The following SRGAP1 variants were observed in gnomAD, a reference collection of about 807,000 sequenced individuals.
The protein encoded by SRGAP1 is SLIT-ROBO Rho GTPase-activating protein 1.
A neutral mutation model predicts 121.9 loss-of-function variants in SRGAP1; 43 were observed. That is an observed-to-expected ratio of 0.35 (90% CI 0.28 to 0.46). The LOEUF (loss-of-function observed/expected upper bound fraction) is 0.46, where lower values mean the gene tolerates loss of function less well. Among genes scored for constraint, SRGAP1 ranks in the 20% least tolerant of loss-of-function variants. SRGAP1 has a pLI of 1.00. For synonymous variants in SRGAP1, 447 were observed against 485.4 expected, an observed-to-expected ratio of 0.92 and a Z score of 1.04; for missense variants, 1,102 against 1,350.9, an observed-to-expected ratio of 0.82 and a Z score of 2.89.
At chr12:63,930,088 T>C (rs973252053) in intron 1 of SRGAP1, among the ~76,000 whole-genome samples, 3 of 152,160 alleles carry the variant, frequency 2.0e-5, no homozygotes, top group African/African-American at 7.2e-5. Flanking sequence ...GCCTTTACAC[T>C]GTTGGTGGGA....
intron 6 of SRGAP1, among the ~76,000 whole-genome samples, chr12:64,052,460 C>T (rs1165453424): frequency 6.6e-6 from 1 of 151,772 alleles, no homozygotes; most frequent in Admixed American, 6.6e-5. Flanking sequence ...GAGGCTGAGG[C>T]AGGAGAATCG....
At chr12:63,923,700 G>A (rs2031153208) in intron 1 of SRGAP1, among the ~76,000 whole-genome samples, 1 of 152,100 alleles carries the variant, frequency 6.6e-6, no homozygotes, top group South Asian at 2.1e-4. Context: ...ATACATGATG[G>A]TTATCAAAAA....
At chr12:63,848,007 T>TATATA (rs1898957501) in intron 1 of SRGAP1, among the ~76,000 whole-genome samples, 1 of 145,980 alleles carries the variant, frequency 6.9e-6, no homozygotes, top group African/African-American at 2.6e-5. Context: ...AATTTTTATT[T>TATATA]TATATATATA....
At chr12:64,124,551 G>A (rs2036657509) in intron 18 of SRGAP1, among the ~76,000 whole-genome samples, 1 of 152,152 alleles carries the variant, frequency 6.6e-6, no homozygotes, top group East Asian at 1.9e-4. Context: ...TTGAAGAGAA[G>A]TTTACTCACC....
intron 18 of SRGAP1, among the ~76,000 whole-genome samples, chr12:64,124,334 A>G (rs1475603450): frequency 6.6e-6 from 1 of 152,226 alleles, no homozygotes; most frequent in African/African-American, 2.4e-5. Flanking sequence ...ACTCTTTTAA[A>G]TGGGAAGGTT....
intron 8 of SRGAP1, among the ~76,000 whole-genome samples, chr12:64,074,255 C>T (rs369618985): frequency 5.3e-5 from 8 of 152,300 alleles, no homozygotes; most frequent in East Asian, 3.9e-4. Flanking sequence ...GACTAACTTT[C>T]GTGCTTTCTG....
chr12:63,948,665 C>T (rs968540697), intron 1 of SRGAP1, among the ~76,000 whole-genome samples: 7 of 151,590 alleles, frequency 4.6e-5, no homozygotes, highest in South Asian at 4.2e-4. Flanking sequence ...TTCATAGTTC[C>T]TTCCTGGTAT....
At chr12:64,033,191 G>A (rs1221980179) in intron 4 of SRGAP1, among the ~76,000 whole-genome samples, 1 of 151,772 alleles carries the variant, frequency 6.6e-6, no homozygotes, top group African/African-American at 2.4e-5. Context: ...CGTTTGCCCT[G>A]TCATTTGGTT....
intron 1 of SRGAP1, among the ~76,000 whole-genome samples, chr12:63,923,643 C>T (rs1055412224): frequency 6.6e-6 from 1 of 152,086 alleles, no homozygotes; most frequent in Non-Finnish European, 1.5e-5. Flanking sequence ...TAAGCAAGAC[C>T]CTTTGGTAAC....
intron 4 of SRGAP1, chr12:64,032,412 C>A: frequency 1.7e-6 from 1 of 599,910 alleles, no homozygotes; most frequent in South Asian, 1.8e-5. Flanking sequence ...TCTGCCTCAT[C>A]AGTCAGATCT....
chr12:64,075,238 A>C (rs1388448697), intron 8 of SRGAP1, among the ~76,000 whole-genome samples: 1 of 152,246 alleles, frequency 6.6e-6, no homozygotes, highest in Non-Finnish European at 1.5e-5. Flanking sequence ...TGGGAAACGA[A>C]GGGATGGGCC....
intron 1 of SRGAP1, among the ~76,000 whole-genome samples, chr12:63,869,099 A>G (rs182613453): frequency 3.9e-4 from 60 of 152,312 alleles, no homozygotes; most frequent in African/African-American, 1.4e-3. Flanking sequence ...TAAGACACTA[A>G]GGTCTGTTTT....
chr12:63,920,583 T>A (rs2031001262), intron 1 of SRGAP1, among the ~76,000 whole-genome samples: 1 of 152,196 alleles, frequency 6.6e-6, no homozygotes, highest in Non-Finnish European at 1.5e-5. Flanking sequence ...ATATGTTGGC[T>A]TCTATGTGAT....
At chr12:63,866,031 A>G (rs1385965031) in intron 1 of SRGAP1, among the ~76,000 whole-genome samples, 1 of 150,184 alleles carries the variant, frequency 6.7e-6, no homozygotes, top group Non-Finnish European at 1.5e-5. Context: ...TTTGCAGAGT[A>G]AGAGAAGACA....
At position 64,160,442 on chromosome 12, in the gene SRGAP1, G is replaced by A. The variant is rs1053940388; in HGVS notation, c.*17770G>A. 2.0e-5 allele frequency: 3 copies of A among 152,164 alleles called. No individual in the cohort carries two copies. The highest frequency in any genetic ancestry group is 1.3e-4 in the Admixed American group (2 of 15,264). 9.4% of individuals were successfully genotyped at this position (152,164 alleles called of 1,614,324 possible). On this transcript the variant is annotated 3_prime_UTR_variant, in exon 22 of 22. Transcript: ENST00000355086. ...TGGTCAAGGAAAGGAGGAAAAATAT[G>A]TCCTCCTAGTAATTCCCAGTGTAAG...
At position 64,160,754 on chromosome 12, in the gene SRGAP1, G is replaced by A. The variant is rs1026221370; in HGVS notation, c.*18082G>A. Reference sequence around the variant, plus strand: ...CAGAGTGGCTCATTATCTGGAAAGTGTAAGAATGAGGTGGCAGAAAGAGGT... The same window carrying A: ...CAGAGTGGCTCATTATCTGGAAAGTATAAGAATGAGGTGGCAGAAAGAGGT... On this transcript the variant is annotated 3_prime_UTR_variant, in exon 22 of 22. Coordinates refer to ENST00000355086, the MANE Select transcript of SRGAP1 (RefSeq NM_020762.4). 5 of 152,168 alleles carry A rather than the reference G, an allele frequency of 3.3e-5. No homozygotes were observed. The highest frequency in any genetic ancestry group is 7.2e-5 in the African/African-American group (3 of 41,420). The allele number at this position is 152,168 out of a possible 1,614,324, so 9.4% of individuals were successfully genotyped here. A position where few individuals can be genotyped will look rare whatever the true frequency, so the allele number is the denominator to read the frequency against.
chr12:63,966,523 T>A (rs1044360751), intron 1 of SRGAP1, among the ~76,000 whole-genome samples: 1 of 152,114 alleles, frequency 6.6e-6, no homozygotes, highest in African/African-American at 2.4e-5. Context: ...CAAATTCACA[T>A]TGGATCAAGT....
chr12:64,000,278 A>AGTGTGTGTGTGT (rs1565630884), intron 3 of SRGAP1, among the ~76,000 whole-genome samples: 2 of 92,384 alleles, frequency 2.2e-5, no homozygotes, highest in African/African-American at 8.4e-5. Flanking sequence ...GTGTGTGTAA[A>AGTGTGTGTGTGT]AAAAAAAAAC....
At chr12:63,958,734 C>G (rs938947086) in intron 1 of SRGAP1, among the ~76,000 whole-genome samples, 1 of 152,138 alleles carries the variant, frequency 6.6e-6, no homozygotes, top group Non-Finnish European at 1.5e-5. Flanking sequence ...AACAAAATCC[C>G]AATGATGAAT....
Sources: gnomAD v4.1 joint callset for allele counts (sites outside exome capture counted in the v4.1 genomes callset) on GRCh38, gnomAD v4.1.1 for gene constraint, MANE v1.5 for transcripts, NCBI Gene and HGNC (gene_info 2026-07-23, HGNC 2026-07-21) for gene names.